MAST4: variants seen among roughly 807,000 people sequenced by gnomAD.
MAST4 encodes microtubule-associated serine/threonine-protein kinase 4.
A neutral mutation model predicts 162.7 loss-of-function variants in MAST4; 89 were observed. That is an observed-to-expected ratio of 0.55 (90% CI 0.46 to 0.65). MAST4 has a LOEUF of 0.65. MAST4 is among the 30% of genes least tolerant of loss of function. MAST4 has a pLI of 0.00. For missense variants in MAST4, 3,153 were observed against 3,374.0 expected, an observed-to-expected ratio of 0.93 and a Z score of 1.62; for synonymous variants, 1,479 against 1,361.1, an observed-to-expected ratio of 1.09 and a Z score of -1.91.
intron 3 of MAST4, among the ~76,000 whole-genome samples, chr5:66,843,962 C>T (rs962323554): frequency 1.2e-4 from 18 of 152,002 alleles, no homozygotes; most frequent in Admixed American, 5.2e-4. Flanking sequence ...GATGTGCTGG[C>T]GGGGATAGTG....
intron 4 of MAST4, among the ~76,000 whole-genome samples, chr5:66,976,517 A>C (rs1748163915): frequency 6.6e-6 from 1 of 152,274 alleles, no homozygotes; most frequent in African/African-American, 2.4e-5. Flanking sequence ...AAAGGGAACT[A>C]GCTTGACTGA....
At chr5:66,666,113 G>A (rs1747241440) in intron 1 of MAST4, among the ~76,000 whole-genome samples, 1 of 152,134 alleles carries the variant, frequency 6.6e-6, no homozygotes, top group South Asian at 2.1e-4. Context: ...GTCCAGGAAG[G>A]TTATTCATTT....
chr5:66,891,569 A>G (rs1762366051), intron 3 of MAST4, among the ~76,000 whole-genome samples: 1 of 152,000 alleles, frequency 6.6e-6, no homozygotes, highest in African/African-American at 2.4e-5. Context: ...AAACCCTTCT[A>G]TGATGTGGCC....
chr5:67,128,073 C>T (rs1768478944), intron 14 of MAST4, among the ~76,000 whole-genome samples: 1 of 152,140 alleles, frequency 6.6e-6, no homozygotes. Context: ...TTTTGCAAAT[C>T]TTGTCACCCA....
chr5:66,771,186 C>CTTT (rs536857710), intron 2 of MAST4, among the ~76,000 whole-genome samples: 1 of 145,436 alleles, frequency 6.9e-6, no homozygotes, highest in African/African-American at 2.5e-5. Context: ...TCTTTTCTTT[C>CTTT]TTTTTTTTTT....
intron 1 of MAST4, among the ~76,000 whole-genome samples, chr5:66,599,488 C>CTAAT (rs1419064533): frequency 6.6e-6 from 1 of 152,158 alleles, no homozygotes; most frequent in Non-Finnish European, 1.5e-5. Flanking sequence ...GGAATAATAG[C>CTAAT]ATTAGAGTTA....
At chr5:66,652,842 ATTTG>A (rs1251666009) in intron 1 of MAST4, among the ~76,000 whole-genome samples, 3 of 152,138 alleles carry the variant, frequency 2.0e-5, no homozygotes, top group South Asian at 2.1e-4. Context: ...AGGGAAAAAA[ATTTG>A]TTTGCTCTCT....
chr5:66,863,267 A>G (rs1338176267), intron 3 of MAST4, among the ~76,000 whole-genome samples: 1 of 152,194 alleles, frequency 6.6e-6, no homozygotes, highest in Admixed American at 6.5e-5. Context: ...TCCCCGCTCA[A>G]ATTGTTTGCC....
chr5:66,704,723 A>G (rs1211877424), intron 1 of MAST4, among the ~76,000 whole-genome samples: 3 of 151,750 alleles, frequency 2.0e-5, no homozygotes, highest in African/African-American at 7.3e-5. Flanking sequence ...GATGGTCTCT[A>G]TCTCCTGACC....
At chr5:66,937,842 G>A (rs1054753112) in intron 4 of MAST4, among the ~76,000 whole-genome samples, 2 of 151,764 alleles carry the variant, frequency 1.3e-5, no homozygotes, top group Non-Finnish European at 2.9e-5. Context: ...AATGATTCTG[G>A]TATTAGTTTC....
At chr5:67,033,849 G>A (rs1045806630) in intron 4 of MAST4, among the ~76,000 whole-genome samples, 2 of 152,120 alleles carry the variant, frequency 1.3e-5, no homozygotes, top group African/African-American at 4.8e-5. Context: ...ATATGGCATT[G>A]TGAATCCGCA....
At chr5:66,990,466 G>A (rs1749954576) in intron 4 of MAST4, among the ~76,000 whole-genome samples, 1 of 152,058 alleles carries the variant, frequency 6.6e-6, no homozygotes, top group Admixed American at 6.5e-5. Flanking sequence ...GGGAGACCTC[G>A]TCTCTACATA....
At chr5:67,023,863 C>G (rs1754292404) in intron 4 of MAST4, among the ~76,000 whole-genome samples, 1 of 151,788 alleles carries the variant, frequency 6.6e-6, no homozygotes, top group African/African-American at 2.4e-5. Context: ...TGCTCCATCT[C>G]TTCTTCATTC....
At chr5:66,686,500 TGAAG>T (rs1307797413) in intron 1 of MAST4, among the ~76,000 whole-genome samples, 1 of 152,156 alleles carries the variant, frequency 6.6e-6, no homozygotes, top group Non-Finnish European at 1.5e-5. Context: ...TAATAAGACT[TGAAG>T]AATTGTTCCT....
intron 23 of MAST4, among the ~76,000 whole-genome samples, chr5:67,149,041 T>TG (rs751316540): frequency 3.1e-3 from 468 of 151,660 alleles, no homozygotes; most frequent in South Asian, 5.9e-3. Flanking sequence ...TTTCATGGTA[T>TG]GGGGGGGGTA....
Position 66,899,965 on chromosome 5 carries a change from C to A in MAST4, c.657C>A (p.Leu219=). Residue 219 remains leucine (L), a synonymous_variant, in exon 4 of 29, where the codon CTC becomes CTA. Coordinates refer to ENST00000403625, the MANE Select transcript of MAST4 (RefSeq NM_001164664.2). ...TTCTTTTGCAGAAGGAGCTGAGTCT[C>A]CCCAGAAGAGGAAGTTTGTAAGTAG... ...SLTASLKELS[L]PRRGSFCRTS... is the part of the protein sequence containing the mutation. The A allele has an allele frequency of 6.6e-7, 1 of 1,519,760 alleles. No homozygotes were observed. Among genetic ancestry groups the A allele is most frequent in the Non-Finnish European group, 8.8e-7 (1 of 1,134,886 alleles). 94.1% of individuals were successfully genotyped at this position (1,519,760 alleles called of 1,614,324 possible). A position where few individuals can be genotyped will look rare whatever the true frequency, so the allele number is the denominator to read the frequency against.
chr5:66,874,125 T>G (rs1398410598), intron 3 of MAST4, among the ~76,000 whole-genome samples: 1 of 152,178 alleles, frequency 6.6e-6, no homozygotes, highest in African/African-American at 2.4e-5. Context: ...GTGCCTCTGA[T>G]TGGCTAAGCT....
chr5:66,956,655 C>G (rs752360154), intron 4 of MAST4, among the ~76,000 whole-genome samples: 1 of 152,194 alleles, frequency 6.6e-6, no homozygotes, highest in African/African-American at 2.4e-5. Context: ...TTCTTGAACT[C>G]GTGACTTTAA....
chr5:66,793,634 G>A (rs1002857829), intron 3 of MAST4, among the ~76,000 whole-genome samples: 8 of 152,158 alleles, frequency 5.3e-5, no homozygotes, highest in African/African-American at 1.9e-4. Context: ...CACTCCATTT[G>A]TACTTGGGAG....
Sources: gnomAD v4.1 joint callset for allele counts (sites outside exome capture counted in the v4.1 genomes callset) on GRCh38, gnomAD v4.1.1 for gene constraint, MANE v1.5 for transcripts, NCBI Gene and HGNC (gene_info 2026-07-23, HGNC 2026-07-21) for gene names.